The following MROH9 variants were observed in gnomAD, a reference collection of about 807,000 sequenced individuals.
The protein encoded by MROH9 is maestro heat like repeat family member 9, also known as maestro heat-like repeat-containing protein family member 9.
Under a neutral mutation model 98.2 loss-of-function variants are expected in MROH9, and 92 were observed. That is an observed-to-expected ratio of 0.94 (90% CI 0.79 to 1.11). The LOEUF (loss-of-function observed/expected upper bound fraction) is 1.11, where lower values mean the gene tolerates loss of function less well. Among genes scored for constraint, MROH9 ranks in the 50% most tolerant of loss-of-function variants. The pLI, the probability that MROH9 is intolerant of heterozygous loss-of-function variation, is 0.00. For missense variants in MROH9, 1,057 were observed against 1,014.8 expected (o/e 1.04, Z -0.57); for synonymous variants, 397 against 368.9 (o/e 1.08, Z -0.87).
intron 19 of MROH9, among the ~76,000 whole-genome samples, chr1:171,024,985 C>T (rs1652658325): frequency 6.6e-6 from 1 of 152,116 alleles, no homozygotes; most frequent in Non-Finnish European, 1.5e-5. Context: ...TATCTTCTTC[C>T]TCCAGCCCAC....
At chr1:171,029,902 T>A (rs1036197820) in intron 20 of MROH9, among the ~76,000 whole-genome samples, 5 of 152,320 alleles carry the variant, frequency 3.3e-5, no homozygotes, top group East Asian at 1.9e-4. Flanking sequence ...CTGGTAGAAT[T>A]CAACTGTGAG....
chr1:170,945,025 T>C (rs1021169141), intron 1 of MROH9, among the ~76,000 whole-genome samples: 1 of 151,798 alleles, frequency 6.6e-6, no homozygotes, highest in East Asian at 1.9e-4. Context: ...ATCACATGAG[T>C]CTTTTAAGTC....
At chr1:171,057,817 A>G (rs553723516) in intron 20 of MROH9, among the ~76,000 whole-genome samples, 2 of 152,216 alleles carry the variant, frequency 1.3e-5, no homozygotes, top group Non-Finnish European at 2.9e-5. Context: ...CAAATTCAAC[A>G]TTCTTAAAGA....
chr1:171,016,908 T>C (rs1198848571), intron 17 of MROH9, among the ~76,000 whole-genome samples: 1 of 152,200 alleles, frequency 6.6e-6, no homozygotes, highest in Non-Finnish European at 1.5e-5. Flanking sequence ...AAAACTTTGG[T>C]ATGCCATGGG....
intron 7 of MROH9, among the ~76,000 whole-genome samples, chr1:170,969,369 A>T (rs1276235088): frequency 6.6e-6 from 1 of 152,192 alleles, no homozygotes; most frequent in African/African-American, 2.4e-5. Context: ...CTATTCTGTT[A>T]TGTTTTATCC....
chr1:171,064,333 C>A lies in MROH9; in HGVS notation c.2579C>A (p.Ala860Asp). 1 of 1,532,266 alleles carries A rather than the reference C, an allele frequency of 6.5e-7. No individual in the cohort carries two copies. Among genetic ancestry groups the A allele is most frequent in the South Asian group, 1.3e-5 (1 of 79,458 alleles). The allele number at this position is 1,532,266 out of a possible 1,614,324, so 94.9% of individuals were successfully genotyped here. Residue 860 changes from alanine (A) to aspartate (D), a missense_variant, in exon 22 of 22, where the codon GCC becomes GAC. Coordinates refer to ENST00000367759, the MANE Select transcript of MROH9 (RefSeq NM_001163629.2). ...AGTAAAGATGTCAAGAATGATAAGG[C>A]CTTATAGAAGAGAATGATGATGACA... ...TDSKDVKNDK[A>D]L
intron 6 of MROH9, among the ~76,000 whole-genome samples, chr1:170,964,731 T>C (rs1284843813): frequency 1.3e-5 from 2 of 152,014 alleles, no homozygotes; most frequent in East Asian, 1.9e-4. Context: ...TGGAATAAGA[T>C]GATATTGCAG....
intron 20 of MROH9, among the ~76,000 whole-genome samples, chr1:171,058,640 A>C (rs1653922167): frequency 1.3e-5 from 2 of 152,224 alleles, no homozygotes; most frequent in South Asian, 4.1e-4. Flanking sequence ...CTGGTACAAA[A>C]ACAGACATAT....
chr1:170,965,067 A>T, intron 6 of MROH9, 84 bp from the exon 7 acceptor site: 1 of 877,396 alleles, frequency 1.1e-6, no homozygotes, highest in South Asian at 1.7e-5. Flanking sequence ...GGAAGGCCTG[A>T]TTTGGTGAAG....
At chr1:171,046,781 T>C (rs1399416876) in intron 20 of MROH9, among the ~76,000 whole-genome samples, 1 of 152,206 alleles carries the variant, frequency 6.6e-6, no homozygotes, top group Non-Finnish European at 1.5e-5. Context: ...AGGTGACTAT[T>C]TTATTGCTCA....
At position 170,971,764 on chromosome 1, in the gene MROH9, C is replaced by T. The variant is rs752447106; in HGVS notation, c.497C>T (p.Pro166Leu). The T allele has an allele frequency of 1.2e-6, 2 of 1,614,002 alleles. No individual in the cohort carries two copies. The highest frequency in any genetic ancestry group is 2.2e-5 in the East Asian group (1 of 44,872). ...KVRKYISVDA[P>L]CLGLLAAELS... ...CTCCATTAGATAAGTGTTGATGCTC[C>T]ATGTTTGGGTCTCCTGGCAGCAGAG... The change falls in exon 8 of 22, where the codon CCA (proline) becomes CTA (leucine). Residue 166 changes from proline to leucine, a missense_variant. Transcript: ENST00000367759.
At position 170,995,386 on chromosome 1, in the gene MROH9, T is replaced by C. The variant is rs181785081; in HGVS notation, c.1195-3T>C. 103 of 1,613,174 alleles carry C rather than the reference T, an allele frequency of 6.4e-5. No homozygotes were observed. The Admixed American group carries it at 1.5e-3, about 24-fold the overall frequency. The stretch of plus-strand genomic sequence containing the variant: ...TTCTACCTCCTATTTCCTTCCCTTA[T>C]AGGCATGCCAGGCCCTGTGCACCTT... On this transcript the variant is annotated splice_polypyrimidine_tract_variant and splice_region_variant and intron_variant, in intron 12 of 21. Transcript: ENST00000367759.
chr1:171,047,674 T>A (rs1015741214), intron 20 of MROH9, among the ~76,000 whole-genome samples: 1 of 152,172 alleles, frequency 6.6e-6, no homozygotes, highest in Non-Finnish European at 1.5e-5. Flanking sequence ...CTTATTTAGG[T>A]CATTCAGTGA....
chr1:171,025,301 TCC>T lies in MROH9; in HGVS notation c.2179-15_2179-14del. Reference sequence around the variant, plus strand: ...TCAGCAATCGAGTGAGGTGCTTTTTTCCCTTTTTATTCTCAGATTATTTCTCA... The same window carrying T: ...TCAGCAATCGAGTGAGGTGCTTTTTTCTTTTTATTCTCAGATTATTTCTCA... On this transcript the variant is annotated splice_polypyrimidine_tract_variant and intron_variant, in intron 19 of 21. Coordinates refer to ENST00000367759, the MANE Select transcript of MROH9 (RefSeq NM_001163629.2). The T allele has an allele frequency of 1.4e-6, 2 of 1,477,424 alleles. No individual in the cohort carries two copies. Among genetic ancestry groups the T allele is most frequent in the Non-Finnish European group, 1.9e-6 (2 of 1,080,380 alleles). 91.5% of individuals were successfully genotyped at this position (1,477,424 alleles called of 1,614,324 possible). A position where few individuals can be genotyped will look rare whatever the true frequency, so the allele number is the denominator to read the frequency against.
intron 15 of MROH9, among the ~76,000 whole-genome samples, chr1:171,013,614 T>C (rs1295567440): frequency 6.6e-6 from 1 of 152,168 alleles, no homozygotes; most frequent in Non-Finnish European, 1.5e-5. Context: ...TTAGAAACTC[T>C]GTCTCATTAG....
At chr1:171,039,135 C>A (rs1571159923) in intron 20 of MROH9, among the ~76,000 whole-genome samples, 1 of 152,236 alleles carries the variant, frequency 6.6e-6, no homozygotes, top group East Asian at 1.9e-4. Flanking sequence ...GTTAATTTGA[C>A]ATAATTTCCA....
At chr1:170,945,152 G>A (rs940723489) in intron 1 of MROH9, among the ~76,000 whole-genome samples, 6 of 151,640 alleles carry the variant, frequency 4.0e-5, no homozygotes, top group Admixed American at 6.6e-5. Context: ...GTCCTCAGCC[G>A]CAGCCAGCAA....
chr1:171,049,906 T>C (rs1321722287), intron 20 of MROH9, among the ~76,000 whole-genome samples: 1 of 152,152 alleles, frequency 6.6e-6, no homozygotes, highest in Non-Finnish European at 1.5e-5. Context: ...GGTCTCAAAC[T>C]CTTGGGCTCA....
chr1:171,006,984 A>G (rs1470595276), intron 15 of MROH9, among the ~76,000 whole-genome samples: 8 of 152,062 alleles, frequency 5.3e-5, no homozygotes, highest in Non-Finnish European at 7.4e-5. Context: ...GTGGTCAACT[A>G]CTGGAGCTTT....
Sources: allele counts gnomAD v4.1 joint callset (sites outside exome capture counted in the v4.1 genomes callset), GRCh38; gene constraint gnomAD v4.1.1; transcripts MANE v1.5; gene names NCBI Gene and HGNC (gene_info 2026-07-23, HGNC 2026-07-21).